FLNA: variants seen among roughly 807,000 people sequenced by gnomAD.
The protein encoded by FLNA is filamin-A.
FLNA carries 7 observed loss-of-function variants against 157.6 expected under a neutral mutation model. The ratio of observed to expected loss-of-function variants is 0.04; its 90% CI spans 0.03 to 0.08. FLNA has a LOEUF of 0.08. FLNA is among the 10% of genes least tolerant of loss of function. FLNA has a pLI of 1.00. For missense variants in FLNA, 1,750 were observed against 2,398.4 expected, an observed-to-expected ratio of 0.73 and a Z score of 5.65; for synonymous variants, 1,103 against 1,060.8, an observed-to-expected ratio of 1.04 and a Z score of -0.77.
At chrX:154,360,622 C>T in intron 21 of FLNA, 35 bp from the exon 22 acceptor site, 2 of 1,128,893 alleles carry the variant, frequency 1.8e-6, no homozygotes, top group Non-Finnish European at 2.4e-6. Context: ...CAAGGCCACA[C>T]TATGCCCCGA....
chrX:154,355,023 A>G lies in FLNA; in HGVS notation c.5019T>C (p.Thr1673=). The G allele has an allele frequency of 8.3e-7, 1 of 1,210,780 alleles. No individual in the cohort carries two copies. The change falls in exon 31 of 48, where the codon ACT becomes ACC. Residue 1673 remains threonine (T), a synonymous_variant. Transcript: ENST00000369850. ...TIQIGEETVI[T]VDTKAAGKGK... is the part of the protein sequence containing the mutation. ...CTTTGCCTGCCGCCTTAGTGTCCAC[A>G]GTGATCACCGTCTCCTCCCCAATCT...
chrX:154,362,996 C>G (rs1342825110), intron 15 of FLNA, among the ~76,000 whole-genome samples: 1 of 112,930 alleles, frequency 8.9e-6, no homozygotes, highest in African/African-American at 3.2e-5. Flanking sequence ...ACGCAAACAC[C>G]TGGACTCACT....
Position 154,371,147 on chromosome X carries a change from C to T in FLNA, c.99G>A (p.Lys33=), listed in dbSNP as rs2067803210. The change falls in exon 2 of 48, where the codon AAG becomes AAA. Residue 33 remains lysine (K), a synonymous_variant. Transcript: ENST00000369850. ...TCCACGGCGCGTCCTCCGCCAGGTCCTTCTCGGTGGCCGGCATCTCGGCGT... is the reference window on the plus strand; with the variant it reads ...TCCACGGCGCGTCCTCCGCCAGGTCTTTCTCGGTGGCCGGCATCTCGGCGT... The part of the protein sequence containing the change: ...TRDAEMPATE[K]DLAEDAPWKK... The T allele has an allele frequency of 8.3e-7, 1 of 1,201,604 alleles. No homozygotes were observed. The highest frequency in any genetic ancestry group is 2.2e-5 in the Admixed American group (1 of 44,931).
intron 41 of FLNA, 65 bp downstream of exon 41, chrX:154,352,116 C>T: frequency 8.3e-7 from 1 of 1,208,287 alleles, no homozygotes; most frequent in South Asian, 1.8e-5. Context: ...CGGCTCTTTC[C>T]TCCACCCCCA....
chrX:154,353,573 G>T lies in FLNA; in HGVS notation c.5841C>A (p.Pro1947=). ...KYNEQHVPGS[P]FTARVTGDDS... ...ACCCACCTGTGACCCGAGCAGTGAAGGGGCTGCCTGGGACGTGCTGTTCAT... is the reference window on the plus strand; with the variant it reads ...ACCCACCTGTGACCCGAGCAGTGAATGGGCTGCCTGGGACGTGCTGTTCAT... Residue 1947 remains proline (P), a synonymous_variant, in exon 36 of 48, where the codon CCC becomes CCA. Transcript: ENST00000369850. 8.3e-7 allele frequency: 1 copy of T among 1,211,509 alleles called. No individual in the cohort carries two copies. Among genetic ancestry groups the T allele is most frequent in the Non-Finnish European group, 1.1e-6 (1 of 895,281 alleles).
At position 154,361,319 on chromosome X, in the gene FLNA, T is replaced by C. The variant is rs1557178000; in HGVS notation, c.3196A>G (p.Lys1066Glu). The stretch of plus-strand genomic sequence containing the variant: ...CATACCCCAATTACCTTGCTAGGCT[T>C]GGTGGGGGCCACAGCTTCCAGAGGA... ...PFPLEAVAPT[K>E]PSKVKAFGPG... The change falls in exon 21 of 48, where the codon AAG becomes GAG. Residue 1066 changes from lysine (K) to glutamate (E), a missense_variant. Physicochemically the swap from Lys to Glu is moderately conservative, Grantham distance 56 (BLOSUM62 1). Around this residue, in one of 5 missense-constraint regions of FLNA, gnomAD observed 648 missense variants for 805.8 expected, o/e 0.80. Transcript: ENST00000369850. 8.3e-7 allele frequency: 1 copy of C among 1,207,621 alleles called. No individual in the cohort carries two copies. Among genetic ancestry groups the C allele is most frequent in the African/African-American group, 1.8e-5 (1 of 56,678 alleles).
chrX:154,359,200 G>A (rs782231614), intron 25 of FLNA, 46 bp from the exon 26 acceptor site: 2 of 1,210,658 alleles, frequency 1.7e-6, no homozygotes, highest in South Asian at 3.5e-5. Flanking sequence ...GACAGGGTGG[G>A]GACGAGCAGA....
At position 154,351,639 on chromosome X, in the gene FLNA, A is replaced by G; in HGVS notation, c.6965T>C (p.Val2322Ala). 8.3e-7 allele frequency: 1 copy of G among 1,209,891 alleles called. No homozygotes were observed. The highest frequency in any genetic ancestry group is 1.1e-6 in the Non-Finnish European group (1 of 893,765). The change falls in exon 43 of 48, where the codon GTG (valine) becomes GCG (alanine). Residue 2322 changes from valine (V) to alanine (A), a missense_variant. Physicochemically the swap from Val to Ala is moderately conservative, Grantham distance 64. This residue lies in a region of FLNA where 970 missense variants were observed against 1,302.6 expected (regional missense o/e 0.74). Transcript: ENST00000369850. ...GCCAGACGGAGAAGCCACAGGCACCACGAAGGGGCTGTCGGGAATGTGTTC... is the reference window on the plus strand; with the variant it reads ...GCCAGACGGAGAAGCCACAGGCACCGCGAAGGGGCTGTCGGGAATGTGTTC... The part of the protein sequence containing the change: ...NEEHIPDSPF[V>A]VPVASPSGDA...
intron 29 of FLNA, 64 bp from the exon 30 acceptor site, chrX:154,357,338 A>C: frequency 8.4e-7 from 1 of 1,185,788 alleles, no homozygotes; most frequent in African/African-American, 1.8e-5. Flanking sequence ...GGCGGCCCCC[A>C]CTCCCACACG....
chrX:154,367,747 C>G lies in FLNA; in HGVS notation c.623-9G>C. The G allele has an allele frequency of 1.7e-6, 2 of 1,210,958 alleles. No individual in the cohort carries two copies. Among genetic ancestry groups the G allele is most frequent in the Non-Finnish European group, 2.2e-6 (2 of 895,352 alleles). Reference sequence around the variant, plus strand: ...CCAGTCAGGACACAGGCCTGTGGCGCAAGGGAGGCTGTGAGTCTGGGGGCC... The same window carrying G: ...CCAGTCAGGACACAGGCCTGTGGCGGAAGGGAGGCTGTGAGTCTGGGGGCC... On this transcript the variant is annotated splice_polypyrimidine_tract_variant and intron_variant, in intron 3 of 47. Coordinates refer to ENST00000369850, the MANE Select transcript of FLNA (RefSeq NM_001110556.2).
chrX:154,355,235 G>A (rs782767939), intron 30 of FLNA, among the ~76,000 whole-genome samples, 163 bp from the exon 31 acceptor site: 4 of 113,593 alleles, frequency 3.5e-5, no homozygotes, highest in African/African-American at 9.6e-5. Context: ...CTGGGATGGC[G>A]AGTGGTTTCT....
chrX:154,364,984 A>T, intron 11 of FLNA, 27 bp from the exon 12 acceptor site: 4 of 1,210,827 alleles, frequency 3.3e-6, no homozygotes, highest in Non-Finnish European at 4.5e-6. Context: ...CACACAGGGA[A>T]CACCGAGGAT....
rs369969807 is a variant in FLNA at position 154,362,811 on chromosome X, G to A, written c.2281-27C>T. 4.2e-6 allele frequency: 5 copies of A among 1,180,868 alleles called. No homozygotes were observed. The African/African-American group carries it at 7.1e-5, about 17-fold the overall frequency. On this transcript the variant is annotated intron_variant, in intron 15 of 47. Coordinates refer to ENST00000369850, the MANE Select transcript of FLNA (RefSeq NM_001110556.2). ...TGCAGGGCACAGGGGCAAGGGCAAG[G>A]GCATGAGCAGCCTGGAGGAGACTCA...
intron 3 of FLNA, 50 bp from the exon 4 acceptor site, chrX:154,367,788 G>A (rs1157201771): frequency 8.3e-7 from 1 of 1,208,910 alleles, no homozygotes; most frequent in Non-Finnish European, 1.1e-6. Context: ...ACCCCCTCAA[G>A]GGCCACCCAT....
At position 154,359,976 on chromosome X, in the gene FLNA, G is replaced by A. The variant is rs2067692524; in HGVS notation, c.3805+14C>T. On this transcript the variant is annotated intron_variant, in intron 22 of 47. Transcript: ENST00000369850. ...CCTGTCCCCCGTCACATACCCCACG[G>A]CAGGGCAACTCACCCTGGCCCTCAA... 8.3e-7 allele frequency: 1 copy of A among 1,203,279 alleles called. No homozygotes were observed. The highest frequency in any genetic ancestry group is 1.1e-6 in the Non-Finnish European group (1 of 889,547).
chrX:154,361,841 C>T, intron 19 of FLNA, 54 bp from the exon 20 acceptor site: 3 of 1,110,565 alleles, frequency 2.7e-6, no homozygotes, highest in Non-Finnish European at 3.7e-6. Flanking sequence ...AATTGCTCCC[C>T]AACCCCCTCC....
chrX:154,367,601 T>C (rs1353708082), intron 4 of FLNA, 40 bp downstream of exon 4: 7 of 1,209,349 alleles, frequency 5.8e-6, no homozygotes, highest in Non-Finnish European at 7.8e-6. Flanking sequence ...CAACTGCCGA[T>C]CCGGTCCCCT....
At chrX:154,358,936 C>T (rs1557177358) in intron 26 of FLNA, 48 bp downstream of exon 26, 5 of 1,190,951 alleles carry the variant, frequency 4.2e-6, no homozygotes, top group Admixed American at 2.2e-5. Flanking sequence ...GGCCCTCAAA[C>T]AGGACACTGC....
In FLNA at chrX:154,354,954, C is replaced by T; in HGVS notation, c.5088G>A (p.Val1696=). 8.2e-7 allele frequency: 1 copy of T among 1,212,290 alleles called. No individual in the cohort carries two copies. The highest frequency in any genetic ancestry group is 1.1e-6 in the Non-Finnish European group (1 of 895,645). The change falls in exon 31 of 48, where the codon GTG becomes GTA. Residue 1696 remains valine, a synonymous_variant. Coordinates refer to ENST00000369850, the MANE Select transcript of FLNA (RefSeq NM_001110556.2). Reference sequence around the variant, plus strand: ...CCTCATTCTCCACCACGTCCACATCCACCTCTGAGCCATCAGGCGTGCACA... The same window carrying T: ...CCTCATTCTCCACCACGTCCACATCTACCTCTGAGCCATCAGGCGTGCACA... ...CTVCTPDGSE[V]DVDVVENEDG...
Sources: gnomAD v4.1 joint callset for allele counts (sites outside exome capture counted in the v4.1 genomes callset) on GRCh38, gnomAD v4.1.1 for gene constraint, gnomAD v4.1.1 regional missense constraint, MANE v1.5 for transcripts, NCBI Gene and HGNC (gene_info 2026-07-23, HGNC 2026-07-21) for gene names.